The following GREB1 variants were observed in gnomAD, a reference collection of about 807,000 sequenced individuals.
GREB1 encodes the protein growth regulating estrogen receptor binding 1, also known as protein GREB1.
A neutral mutation model predicts 200.7 loss-of-function variants in GREB1; 106 were observed. The ratio of observed to expected loss-of-function variants is 0.53; its 90% CI spans 0.45 to 0.62. GREB1 has a LOEUF of 0.62. Ranked by LOEUF, GREB1 falls within the 20% of genes least tolerant of loss-of-function variation. The probability of loss-of-function intolerance (pLI) is 0.00; values close to 1 mark genes in which losing one functional copy is unlikely to be tolerated. For missense variants in GREB1, 2,243 were observed against 2,556.8 expected (o/e 0.88, Z 2.65); for synonymous variants, 1,132 against 1,092.4 (o/e 1.04, Z -0.72).
chr2:11,567,459 G>T (rs1298977930), intron 4 of GREB1, among the ~76,000 whole-genome samples: 2 of 152,124 alleles, frequency 1.3e-5, no homozygotes, highest in Non-Finnish European at 2.9e-5. Flanking sequence ...TTTTATAGGT[G>T]AGCTTGGATC....
intron 9 of GREB1, chr2:11,588,002 G>A: frequency 1.1e-6 from 1 of 898,360 alleles, no homozygotes; most frequent in Non-Finnish European, 1.3e-6. Context: ...GAGGCGGGTA[G>A]ATCACTTTAG....
intron 2 of GREB1, among the ~76,000 whole-genome samples, chr2:11,558,903 T>A (rs1030909287): frequency 1.3e-5 from 2 of 152,328 alleles, no homozygotes; most frequent in African/African-American, 4.8e-5. Flanking sequence ...CTTATTACTT[T>A]GTTCTTTGAA....
rs1211011498 is a variant in GREB1, at chr2:11,587,739, A to ACGCGCGCG, written c.1160-1006_1160-1005insGCGCGCGC. 187 of 697,930 alleles carry ACGCGCGCG rather than the reference A, an allele frequency of 2.7e-4. 11 individuals are homozygous for ACGCGCGCG. In the South Asian group the frequency reaches 7.5e-3, roughly 28 times the overall value. The allele number at this position is 697,930 out of a possible 1,614,324, so 43.2% of individuals were successfully genotyped here. On this transcript the variant is annotated intron_variant, in intron 9 of 32. Coordinates refer to ENST00000381486, the MANE Select transcript of GREB1 (RefSeq NM_014668.4). ...CACACACACACACACACACACACAC[A>ACGCGCGCG]CACGCCACCTTTGGGAGCTCAGCAG...
At chr2:11,561,016 G>A (rs546076333) in intron 2 of GREB1, among the ~76,000 whole-genome samples, 2 of 152,266 alleles carry the variant, frequency 1.3e-5, no homozygotes, top group Admixed American at 6.5e-5. Flanking sequence ...TAGAATACAG[G>A]GATGAGTGAG....
At chr2:11,490,327 G>A (rs1046672129) in intron 1 of GREB1, among the ~76,000 whole-genome samples, 27 of 152,176 alleles carry the variant, frequency 1.8e-4, no homozygotes, top group Admixed American at 1.3e-4. Context: ...CTTTTGTGTC[G>A]AGCTTCTTTT....
intron 19 of GREB1, among the ~76,000 whole-genome samples, chr2:11,613,202 G>T (rs1242198528): frequency 6.6e-6 from 1 of 152,082 alleles, no homozygotes; most frequent in Non-Finnish European, 1.5e-5. Flanking sequence ...TGGTGTGGGG[G>T]GTCTCTAGGC....
At chr2:11,587,073 G>A (rs140767975) in intron 9 of GREB1, among the ~76,000 whole-genome samples, 30 of 152,260 alleles carry the variant, frequency 2.0e-4, no homozygotes, top group East Asian at 7.7e-4. Context: ...GCAAGTCTAC[G>A]TCTCACACGA....
intron 17 of GREB1, among the ~76,000 whole-genome samples, chr2:11,604,178 G>T (rs987733521): frequency 6.6e-6 from 1 of 152,144 alleles, no homozygotes; most frequent in Non-Finnish European, 1.5e-5. Context: ...CCACCTTGCT[G>T]GTGGCTTCTT....
At chr2:11,517,366 C>T (rs963516865) in intron 1 of GREB1, 2 of 152,652 alleles carry the variant, frequency 1.3e-5, no homozygotes, top group African/African-American at 4.8e-5. Flanking sequence ...TCCCAGCTGG[C>T]TCAGGTGCTT....
intron 3 of GREB1, 145 bp from the exon 4 acceptor site, chr2:11,566,335 A>G (rs912931736): frequency 1.7e-5 from 12 of 703,918 alleles, no homozygotes; most frequent in African/African-American, 7.2e-5. Flanking sequence ...TTATAGTTCT[A>G]TCTCTCAGGA....
chr2:11,556,597 G>A lies in GREB1; in HGVS notation c.-18G>A, dbSNP rs1299723628. ...ATCTGAGATGCCATTTTAAACAGAA[G>A]ACTCCATCCTCTTGAAGATGGGAAA... On this transcript the variant is annotated 5_prime_UTR_variant, in exon 2 of 33. Transcript: ENST00000381486. The A allele has an allele frequency of 1.9e-6, 3 of 1,596,214 alleles. No homozygotes were observed. Among genetic ancestry groups the A allele is most frequent in the African/African-American group, 1.3e-5 (1 of 74,420 alleles).
chr2:11,587,906 C>T (rs943480335), intron 9 of GREB1: 2 of 997,962 alleles, frequency 2.0e-6, no homozygotes, highest in Admixed American at 5.6e-5. Flanking sequence ...TGGGCAATTC[C>T]ACCTCTGAGG....
chr2:11,511,980 A>G (rs1673365885), intron 1 of GREB1, among the ~76,000 whole-genome samples: 1 of 152,148 alleles, frequency 6.6e-6, no homozygotes, highest in African/African-American at 2.4e-5. Context: ...GTTCCTGAAA[A>G]AAAATCTCGG....
At chr2:11,607,591 T>C (rs202219290) in intron 17 of GREB1, among the ~76,000 whole-genome samples, 3 of 3,262 alleles carry the variant, frequency 9.2e-4, no homozygotes, top group African/African-American at 1.3e-3. Context: ...TATACATATA[T>C]ACATATATAT....
At chr2:11,600,686 A>G in intron 15 of GREB1, 114 bp from the exon 16 acceptor site, 1 of 821,670 alleles carries the variant, frequency 1.2e-6, no homozygotes, top group South Asian at 1.5e-5. Context: ...CAGAGCCATA[A>G]TCTTTAGTCG....
At chr2:11,564,058 G>T (rs1677369254) in intron 3 of GREB1, among the ~76,000 whole-genome samples, 2 of 152,158 alleles carry the variant, frequency 1.3e-5, no homozygotes, top group Admixed American at 1.3e-4. Flanking sequence ...GGAGGAAGCT[G>T]GGAAGTTCCA....
At chr2:11,622,116 T>C (rs534440786) in intron 23 of GREB1, among the ~76,000 whole-genome samples, 71 of 152,346 alleles carry the variant, frequency 4.7e-4, no homozygotes, top group African/African-American at 1.5e-3. Flanking sequence ...ATTCTAGCTA[T>C]GTTGCCCGGG....
At chr2:11,579,354 G>C (rs960008795) in intron 6 of GREB1, among the ~76,000 whole-genome samples, 11 of 152,198 alleles carry the variant, frequency 7.2e-5, no homozygotes, top group African/African-American at 2.7e-4. Flanking sequence ...GAGTGATTTG[G>C]GGCAACTCAA....
chr2:11,543,585 T>C (rs1224884584), intron 1 of GREB1, among the ~76,000 whole-genome samples: 33 of 152,194 alleles, frequency 2.2e-4, no homozygotes, highest in Non-Finnish European at 5.9e-5. Context: ...TATTGAAAAG[T>C]GAATGCTTTT....
Sources: gnomAD v4.1 joint callset for allele counts (sites outside exome capture counted in the v4.1 genomes callset) on GRCh38, gnomAD v4.1.1 for gene constraint, MANE v1.5 for transcripts, NCBI Gene and HGNC (gene_info 2026-07-23, HGNC 2026-07-21) for gene names.